Variants in INF2 observed in about 807,000 individuals in gnomAD.
INF2 encodes the protein inverted formin-2.
Under a neutral mutation model 123.5 loss-of-function variants are expected in INF2, and 43 were observed. The ratio of observed to expected loss-of-function variants is 0.35; its 90% CI spans 0.27 to 0.45. The LOEUF (loss-of-function observed/expected upper bound fraction) is 0.45. INF2 is among the 20% of genes least tolerant of loss of function. INF2 has a pLI of 1.00. For synonymous variants in INF2, 851 were observed against 745.0 expected (o/e 1.14, Z -2.32); for missense variants, 1,453 against 1,682.7 (o/e 0.86, Z 2.39).
Position 104,699,329 on chromosome 14 carries a change from G to GGGTCAGTT in INF2, c.-9-2027_-9-2020dup. 1.1e-6 allele frequency: 1 copy of GGGTCAGTT among 904,886 alleles called. No homozygotes were observed. Among genetic ancestry groups the GGGTCAGTT allele is most frequent in the Non-Finnish European group, 1.3e-6 (1 of 756,740 alleles). 56.1% of individuals were successfully genotyped at this position (904,886 alleles called of 1,614,324 possible). ...CCAATGGAGGCGGGGGAGGAAAGGA[G>GGGTCAGTT]GGTCAGTTCTGGGGCCTCTTTAGGC... is the stretch of plus-strand genomic sequence containing the variant. On this transcript the variant is annotated intron_variant, in intron 1 of 22. Coordinates refer to ENST00000392634, the MANE Select transcript of INF2 (RefSeq NM_022489.4). This position sits in a 1 kb window ranked among gnomAD's most constrained non-coding sequence, Gnocchi z 4.7.
intron 1 of INF2, among the ~76,000 whole-genome samples, chr14:104,694,851 C>T (rs1192226197): frequency 6.6e-6 from 1 of 152,140 alleles, no homozygotes; most frequent in Non-Finnish European, 1.5e-5. Context: ...AGCGGGCAGC[C>T]GTCTTGTCTT....
chr14:104,711,264 A>AC, intron 15 of INF2, 78 bp downstream of exon 15: 1 of 1,229,988 alleles, frequency 8.1e-7, no homozygotes, highest in Non-Finnish European at 1.2e-6. Context: ...TAGAGGCCAT[A>AC]CCCCCATGCC....
chr14:104,708,840 C>T, intron 10 of INF2, 108 bp downstream of exon 10: 1 of 1,124,750 alleles, frequency 8.9e-7, no homozygotes, highest in South Asian at 1.2e-5. Flanking sequence ...GGGAAGTGCA[C>T]ACTGCATCCC....
chr14:104,701,755 G>C lies in INF2; in HGVS notation c.390G>C (p.Gln130His). 1 of 1,503,720 alleles carries C rather than the reference G, an allele frequency of 6.7e-7. No individual in the cohort carries two copies. Among genetic ancestry groups the C allele is most frequent in the Non-Finnish European group, 8.9e-7 (1 of 1,125,306 alleles). 93.1% of individuals were successfully genotyped at this position (1,503,720 alleles called of 1,614,324 possible). ...SNQGYVRQLS[Q>H]ALDTSNVMVK... is the part of the protein sequence containing the mutation. ...AGGGCTACGTGCGCCAGCTCTCCCA[G>C]GGTGAGCCGCAGTGTGGGAGGGCCG... is the stretch of plus-strand genomic sequence containing the variant. Residue 130 changes from glutamine to histidine, a missense_variant and splice_region_variant, in exon 2 of 23, where the codon CAG becomes CAC. By Grantham distance (24) the Gln-to-His change is conservative (BLOSUM62 0). Around this residue, in one of 8 missense-constraint regions of INF2, gnomAD observed 251 missense variants for 349.4 expected, o/e 0.72. Coordinates refer to ENST00000392634, the MANE Select transcript of INF2 (RefSeq NM_022489.4).
intron 4 of INF2, 103 bp from the exon 5 acceptor site, chr14:104,703,813 A>G (rs928639615): frequency 4.4e-6 from 7 of 1,589,438 alleles, no homozygotes; most frequent in Non-Finnish European, 6.0e-6. Flanking sequence ...CTGGTGTCCC[A>G]TGAGTGCAGC....
At chr14:104,718,434 T>C (rs1239369995) in intron 22 of INF2, among the ~76,000 whole-genome samples, 1 of 146,938 alleles carries the variant, frequency 6.8e-6, no homozygotes, top group African/African-American at 2.6e-5. Context: ...GTGGAAGCAA[T>C]GGAGGGCTGC....
At chr14:104,711,781 C>T (rs1890059464) in intron 16 of INF2, 82 bp downstream of exon 16, 27 of 1,335,242 alleles carry the variant, frequency 2.0e-5, no homozygotes, top group Non-Finnish European at 2.9e-5. Flanking sequence ...GGCTGCCCGC[C>T]AGGGCTGGGT....
chr14:104,685,389 C>T (rs1289614812), upstream of INF2, among the ~76,000 whole-genome samples: 2 of 152,112 alleles, frequency 1.3e-5, no homozygotes, highest in African/African-American at 4.8e-5. Flanking sequence ...TGCTGAGAGG[C>T]TCCACAAGGG....
At chr14:104,709,861 AC>A (rs1427798863) in intron 12 of INF2, among the ~76,000 whole-genome samples, 156 bp downstream of exon 12, 1 of 149,614 alleles carries the variant, frequency 6.7e-6, no homozygotes, top group Non-Finnish European at 1.5e-5. Context: ...TCTAAACATC[AC>A]TCGAGCCCCA....
At chr14:104,691,328 G>C (rs118081840) in intron 1 of INF2, 1 of 152,274 alleles carries the variant, frequency 6.6e-6, no homozygotes, top group African/African-American at 2.4e-5. Flanking sequence ...AAAGTGATGC[G>C]GTGCTGCCTG....
At chr14:104,697,599 G>C (rs868391745) in intron 1 of INF2, among the ~76,000 whole-genome samples, 19 of 152,366 alleles carry the variant, frequency 1.2e-4, no homozygotes, top group Middle Eastern at 6.8e-3. Flanking sequence ...CTTCCCGAGA[G>C]TCAGTGCAGC....
At chr14:104,694,475 C>T (rs1889091301) in intron 1 of INF2, among the ~76,000 whole-genome samples, 1 of 152,236 alleles carries the variant, frequency 6.6e-6, no homozygotes, top group Non-Finnish European at 1.5e-5. Context: ...AGCCGCCAAA[C>T]AGGAGGTGGG....
rs1890027615 is a variant in INF2 at position 104,711,126 on chromosome 14, G to C, written c.2358G>C (p.Leu786=). ...ACGGCTTCAAGATCAGCACATTGCT[G>C]AAGCTCACGGAGACCAAGTCCCAGC... ...DADGFKISTL[L]KLTETKSQQN... Residue 786 remains leucine, a synonymous_variant, in exon 15 of 23, where the codon CTG becomes CTC. Coordinates refer to ENST00000392634, the MANE Select transcript of INF2 (RefSeq NM_022489.4). 1.3e-6 allele frequency: 2 copies of C among 1,580,872 alleles called. No individual in the cohort carries two copies. Among genetic ancestry groups the C allele is most frequent in the Non-Finnish European group, 1.7e-6 (2 of 1,164,788 alleles).
intron 16 of INF2, among the ~76,000 whole-genome samples, 160 bp from the exon 17 acceptor site, chr14:104,712,272 GC>G (rs1187823408): frequency 6.6e-6 from 1 of 152,198 alleles, no homozygotes; most frequent in Admixed American, 6.5e-5. Flanking sequence ...CTGAGGGTCA[GC>G]TGGAACAGGC....
chr14:104,709,590 G>A (rs762207480), intron 11 of INF2, 30 bp from the exon 12 acceptor site: 37 of 1,593,512 alleles, frequency 2.3e-5, no homozygotes, highest in East Asian at 1.1e-4. Context: ...TGGCATGGGG[G>A]GATCCCACAT....
At chr14:104,704,006 C>T (rs1889660836) in intron 5 of INF2, 57 bp downstream of exon 5, 3 of 1,603,510 alleles carry the variant, frequency 1.9e-6, no homozygotes, top group Non-Finnish European at 2.5e-6. Flanking sequence ...AAGGCCAGGC[C>T]CACCTGCCCT....
chr14:104,708,650 G>A, intron 9 of INF2, 21 bp from the exon 10 acceptor site: 1 of 1,612,888 alleles, frequency 6.2e-7, no homozygotes, highest in Non-Finnish European at 8.5e-7. Context: ...GTACCAGCCT[G>A]TTGGGTGGGG....
chr14:104,693,841 C>T (rs1889065132), intron 1 of INF2, among the ~76,000 whole-genome samples: 2 of 152,222 alleles, frequency 1.3e-5, no homozygotes, highest in Admixed American at 1.3e-4. Flanking sequence ...CTGCCTGCCC[C>T]ACCCTCTGTG....
intron 11 of INF2, 104 bp downstream of exon 11, chr14:104,709,487 A>G: frequency 1.6e-6 from 2 of 1,270,634 alleles, no homozygotes; most frequent in South Asian, 2.4e-5. Flanking sequence ...GAGGCATCCC[A>G]GCCCTACCTC....
Sources: gnomAD v4.1 joint callset for allele counts (sites outside exome capture counted in the v4.1 genomes callset) on GRCh38, gnomAD v4.1.1 for gene constraint, gnomAD v4.1.1 regional missense constraint, Gnocchi (gnomAD v3.1) non-coding constraint, MANE v1.5 for transcripts, NCBI Gene and HGNC (gene_info 2026-07-23, HGNC 2026-07-21) for gene names.